Variants in TRPV5 observed in about 807,000 individuals in gnomAD.
TRPV5 encodes calcium transport protein 2.
TRPV5 carries 66 observed loss-of-function variants against 74.1 expected under a neutral mutation model. The observed-to-expected ratio is 0.89, with a 90% CI of 0.73 to 1.09. The LOEUF (loss-of-function observed/expected upper bound fraction) is 1.09, where lower values mean the gene tolerates loss of function less well. TRPV5 is among the 50% of genes least tolerant of loss of function. The probability of loss-of-function intolerance (pLI) is 0.00; values close to 1 mark genes in which losing one functional copy is unlikely to be tolerated. For synonymous variants in TRPV5, 399 were observed against 360.7 expected, an observed-to-expected ratio of 1.11 and a Z score of -1.20; for missense variants, 936 against 930.4, an observed-to-expected ratio of 1.01 and a Z score of -0.08.
chr7:142,929,918 T>G, intron 3 of TRPV5, 140 bp downstream of exon 3: 1 of 1,365,280 alleles, frequency 7.3e-7, no homozygotes, highest in Non-Finnish European at 1.0e-6. Flanking sequence ...ACCTTTGCAT[T>G]TCTCCCAACT....
intron 3 of TRPV5, 131 bp from the exon 4 acceptor site, chr7:142,929,696 G>C (rs1393540778): frequency 7.8e-6 from 11 of 1,406,450 alleles, no homozygotes; most frequent in Non-Finnish European, 9.6e-6. Flanking sequence ...GGCTTGGCAG[G>C]GTGGCCTGGG....
At chr7:142,919,186 G>A (rs1795845175) in intron 8 of TRPV5, among the ~76,000 whole-genome samples, 1 of 152,232 alleles carries the variant, frequency 6.6e-6, no homozygotes, top group Non-Finnish European at 1.5e-5. Flanking sequence ...TGGGGCTGCT[G>A]TGTATTGACA....
chr7:142,930,913 A>C (rs4252397), intron 1 of TRPV5, among the ~76,000 whole-genome samples: 95,209 of 151,842 alleles, frequency 0.63, 32,269 homozygotes, highest in East Asian at 0.93. Flanking sequence ...TGGGAGACCA[A>C]AACACAGAGG....
chr7:142,933,166 G>T (rs1256177331), intron 1 of TRPV5, among the ~76,000 whole-genome samples, 166 bp downstream of exon 1: 1 of 152,170 alleles, frequency 6.6e-6, no homozygotes, highest in African/African-American at 2.4e-5. Flanking sequence ...ACTAAAAGGG[G>T]CCAGCTGGGA....
chr7:142,908,371 C>T lies in TRPV5; in HGVS notation c.*143G>A. On this transcript the variant is annotated 3_prime_UTR_variant, in exon 15 of 15. Transcript: ENST00000265310. ...AGAAATTCTGATGTGAAGTGTGAGGCATGACCCTTTAGGGATTGTTCTGTC... is the reference window on the plus strand; with the variant it reads ...AGAAATTCTGATGTGAAGTGTGAGGTATGACCCTTTAGGGATTGTTCTGTC... The T allele has an allele frequency of 2.3e-6, 2 of 871,060 alleles. No homozygotes were observed. Among genetic ancestry groups the T allele is most frequent in the East Asian group, 2.7e-5 (1 of 37,698 alleles). 54.0% of individuals were successfully genotyped at this position (871,060 alleles called of 1,614,324 possible).
Position 142,908,719 on chromosome 7 carries a change from T to C in TRPV5, c.1985A>G (p.His662Arg). Residue 662 changes from histidine (H) to arginine (R), a missense_variant, in exon 15 of 15, where the codon CAT becomes CGT. By Grantham distance (29) the His-to-Arg change is conservative. Transcript: ENST00000265310. ...KNSDKEDDQE[H>R]PSEKQPSGAE... is the part of the protein sequence containing the mutation. The stretch of plus-strand genomic sequence containing the variant: ...CCCAGAGGGCTGTTTCTCAGATGGA[T>C]GCTCCTGGTCATCCTCCTTGTCTGA... 3 of 1,614,190 alleles carry C rather than the reference T, an allele frequency of 1.9e-6. No individual in the cohort carries two copies. The highest frequency in any genetic ancestry group is 2.2e-5 in the South Asian group (2 of 91,082).
intron 2 of TRPV5, 75 bp from the exon 3 acceptor site, chr7:142,930,255 A>G (rs4252401): frequency 6.2e-7 from 1 of 1,607,644 alleles, no homozygotes; most frequent in African/African-American, 1.3e-5. Context: ...CTCCAGAGAC[A>G]CCCTCCAAGG....
chr7:142,932,787 C>T (rs1472517532), intron 1 of TRPV5, among the ~76,000 whole-genome samples: 1 of 152,134 alleles, frequency 6.6e-6, no homozygotes, highest in African/African-American at 2.4e-5. Flanking sequence ...GATCTAACAC[C>T]CCTCTGCACA....
intron 7 of TRPV5, among the ~76,000 whole-genome samples, chr7:142,926,484 C>T (rs1568760): frequency 0.78 from 118,690 of 152,086 alleles, 49,474 homozygotes; most frequent in East Asian, 0.96. Context: ...ATCTTTTCTA[C>T]TGAAGCTGGA....
At chr7:142,933,211 G>A in intron 1 of TRPV5, 121 bp downstream of exon 1, 1 of 1,331,088 alleles carries the variant, frequency 7.5e-7, no homozygotes, top group Non-Finnish European at 1.0e-6. Context: ...GAAAGGGTAT[G>A]TCTGAGTGAC....
chr7:142,932,658 C>G (rs143098424), intron 1 of TRPV5, among the ~76,000 whole-genome samples: 1 of 152,190 alleles, frequency 6.6e-6, no homozygotes, highest in Non-Finnish European at 1.5e-5. Context: ...GCTGCTCTTC[C>G]TGGGACTGGA....
In TRPV5 at chr7:142,909,474, G is replaced by GCACA. The variant is rs771569871; in HGVS notation, c.1895+12_1895+15dup. ...TATACACATCTGCAGTTTTGCATGTGCACACCATCACTCACCGCAGGAACC... is the reference window on the plus strand; with the variant it reads ...TATACACATCTGCAGTTTTGCATGTGCACACACACCATCACTCACCGCAGGAACC... On this transcript the variant is annotated intron_variant, in intron 14 of 14. Transcript: ENST00000265310. The GCACA allele has an allele frequency of 1.7e-5, 28 of 1,612,920 alleles. No individual in the cohort carries two copies. The South Asian group carries it at 3.1e-4, about 18-fold the overall frequency.
chr7:142,908,339 C>T lies in TRPV5; in HGVS notation c.*175G>A. 1.4e-6 allele frequency: 1 copy of T among 695,576 alleles called. No individual in the cohort carries two copies. The highest frequency in any genetic ancestry group is 2.4e-6 in the Non-Finnish European group (1 of 416,306). 43.1% of individuals were successfully genotyped at this position (695,576 alleles called of 1,614,324 possible). On this transcript the variant is annotated 3_prime_UTR_variant, in exon 15 of 15. Coordinates refer to ENST00000265310, the MANE Select transcript of TRPV5 (RefSeq NM_019841.7). ...CGTGAGACAATCGATGACCATTGCC[C>T]ATTGCCAGAAATTCTGATGTGAAGT...
At chr7:142,916,110 T>C (rs545769211) in intron 8 of TRPV5, among the ~76,000 whole-genome samples, 2 of 152,258 alleles carry the variant, frequency 1.3e-5, no homozygotes, top group East Asian at 3.8e-4. Flanking sequence ...AAATGGAGGC[T>C]ACAGTGCTTA....
intron 8 of TRPV5, among the ~76,000 whole-genome samples, chr7:142,923,919 T>C (rs922817656): frequency 2.0e-5 from 3 of 152,152 alleles, no homozygotes; most frequent in African/African-American, 4.8e-5. Context: ...CAAGTAAATT[T>C]GAGACAAAGG....
intron 8 of TRPV5, among the ~76,000 whole-genome samples, chr7:142,917,470 T>C (rs1795821426): frequency 6.6e-6 from 1 of 152,184 alleles, no homozygotes; most frequent in African/African-American, 2.4e-5. Flanking sequence ...CGAGGATGGC[T>C]GTGAAGATCA....
intron 13 of TRPV5, among the ~76,000 whole-genome samples, chr7:142,911,505 A>G (rs1022384823): frequency 6.6e-6 from 1 of 152,224 alleles, no homozygotes; most frequent in Non-Finnish European, 1.5e-5. Context: ...TTGCTCCCTC[A>G]GGAAAGCATG....
chr7:142,916,249 G>T (rs1795796599), intron 8 of TRPV5, among the ~76,000 whole-genome samples: 1 of 152,106 alleles, frequency 6.6e-6, no homozygotes, highest in South Asian at 2.1e-4. Context: ...GCAGAGAAGG[G>T]GCTAGAGACA....
chr7:142,920,872 G>T lies in TRPV5; in HGVS notation c.1122+4657C>A, dbSNP rs1033496156. 2.6e-5 allele frequency among the ~76,000 whole-genome samples: 4 copies of T among 152,304 alleles called. No individual in the cohort carries two copies. The East Asian group carries it at 7.7e-4, about 29-fold the overall frequency. On this transcript the variant is annotated intron_variant, in intron 8 of 14. Coordinates refer to ENST00000265310, the MANE Select transcript of TRPV5 (RefSeq NM_019841.7). ...GTCTCAGGTCCCACCCAGCCTTACT[G>T]TCAGAATCCACAGTTTAATAAGGCC...
Sources: allele counts gnomAD v4.1 joint callset (sites outside exome capture counted in the v4.1 genomes callset), GRCh38; gene constraint gnomAD v4.1.1; transcripts MANE v1.5; gene names NCBI Gene and HGNC (gene_info 2026-07-23, HGNC 2026-07-21).